MTA1: variants seen among roughly 807,000 people sequenced by gnomAD.
MTA1 encodes the protein metastasis-associated protein MTA1.
A neutral mutation model predicts 97.0 loss-of-function variants in MTA1; 15 were observed. The observed-to-expected ratio is 0.15, with a 90% CI of 0.10 to 0.24. The LOEUF is 0.24. Among genes scored for constraint, MTA1 ranks in the 10% least tolerant of loss-of-function variants. MTA1 has a pLI of 1.00. For synonymous variants in MTA1, 435 were observed against 417.5 expected, an observed-to-expected ratio of 1.04 and a Z score of -0.51; for missense variants, 709 against 1,015.1, an observed-to-expected ratio of 0.70 and a Z score of 4.10.
In MTA1 at chr14:105,470,155, GCCGCCGCGGCCA is replaced by G. The variant is rs1331298525; in HGVS notation, c.2094_2105del (p.Arg699_Pro702del). 7 of 1,609,958 alleles carry G rather than the reference GCCGCCGCGGCCA, an allele frequency of 4.3e-6. No individual in the cohort carries two copies. The African/African-American group carries it at 6.7e-5, about 15-fold the overall frequency. The stretch of plus-strand genomic sequence containing the variant: ...TCGCCCTGCGCCAGAGCCAGGCCCT[GCCGCCGCGGCCA>G]CCGCCACCTGCGCCCGTCAACGACG... On this transcript the variant is annotated inframe_deletion, in exon 21 of 21. Transcript: ENST00000331320.
intron 19 of MTA1, 168 bp downstream of exon 19, chr14:105,469,666 C>G: frequency 8.2e-7 from 1 of 1,212,152 alleles, no homozygotes; most frequent in East Asian, 2.6e-5. Flanking sequence ...TGTGCCAGGC[C>G]CAGCGGTGTG....
intron 1 of MTA1, among the ~76,000 whole-genome samples, chr14:105,437,165 G>A (rs969470176): frequency 1.2e-4 from 18 of 152,284 alleles, no homozygotes; most frequent in Admixed American, 1.3e-4. Flanking sequence ...ATGCACAGGT[G>A]TGACTTTGCA....
chr14:105,467,826 A>G, intron 18 of MTA1: 1 of 255,170 alleles, frequency 3.9e-6, no homozygotes, highest in Non-Finnish European at 7.8e-6. Flanking sequence ...TAGAAACAGG[A>G]GGGAGTCCTT....
chr14:105,458,200 C>G lies in MTA1; in HGVS notation c.551-70C>G, dbSNP rs587605699. The G allele has an allele frequency of 4.4e-6, 6 of 1,365,266 alleles. No individual in the cohort carries two copies. In the Admixed American group the frequency reaches 8.8e-5, roughly 20 times the overall value. The allele number at this position is 1,365,266 out of a possible 1,614,324, so 84.6% of individuals were successfully genotyped here. ...CCCCGTCCCAGCAGCTCCCCGCACC[C>G]GGGGAGGAGAGGCGCGGCCCGGCGC... On this transcript the variant is annotated intron_variant, in intron 7 of 20. Transcript: ENST00000331320.
chr14:105,462,644 G>A (rs2083401456), intron 10 of MTA1, among the ~76,000 whole-genome samples: 1 of 151,944 alleles, frequency 6.6e-6, no homozygotes, highest in Admixed American at 6.6e-5. Flanking sequence ...CGAAGTGGGT[G>A]GACCACTTGA....
intron 7 of MTA1, among the ~76,000 whole-genome samples, chr14:105,457,055 C>T (rs1428124084): frequency 2.6e-5 from 4 of 152,242 alleles, no homozygotes; most frequent in Admixed American, 6.5e-5. Context: ...GACCTGCAGC[C>T]GGGCGCCCCA....
intron 1 of MTA1, among the ~76,000 whole-genome samples, chr14:105,431,849 C>T (rs1555423441): frequency 6.6e-6 from 1 of 152,148 alleles, no homozygotes; most frequent in African/African-American, 2.4e-5. Context: ...TGGTCTCAAA[C>T]TCCTGACCTC....
Position 105,420,851 on chromosome 14 carries a change from C to T in MTA1, c.28+788C>T, listed in dbSNP as rs1458405240. Among the ~76,000 whole-genome samples the T allele has an allele frequency of 6.6e-6, 1 of 152,124 alleles. No homozygotes were observed. Among genetic ancestry groups the T allele is most frequent in the African/African-American group, 2.4e-5 (1 of 41,428 alleles). On this transcript the variant is annotated intron_variant, in intron 1 of 20. Coordinates refer to ENST00000331320, the MANE Select transcript of MTA1 (RefSeq NM_004689.4). This position sits in a 1 kb window ranked among gnomAD's most constrained non-coding sequence, Gnocchi z 5.3. ...GGTCTTTCACAGGAAGGTGGGGGGT[C>T]GTGTGCATTCCATCATTCCATCAGC...
chr14:105,463,168 G>C lies in MTA1; in HGVS notation c.943-16G>C. On this transcript the variant is annotated splice_polypyrimidine_tract_variant and intron_variant, in intron 10 of 20. Transcript: ENST00000331320. This position sits in a 1 kb window ranked among gnomAD's most constrained non-coding sequence, Gnocchi z 5.9. ...CTGCCCCTTCCTGCTTGTGTGACAC[G>C]CCTCCTCCCACCCAGCTCCCGTGGA... The C allele has an allele frequency of 6.2e-7, 1 of 1,610,034 alleles. No homozygotes were observed. The highest frequency in any genetic ancestry group is 8.5e-7 in the Non-Finnish European group (1 of 1,179,370).
intron 1 of MTA1, among the ~76,000 whole-genome samples, chr14:105,426,216 G>A (rs1204832672): frequency 1.3e-5 from 2 of 152,084 alleles, no homozygotes; most frequent in East Asian, 3.9e-4. Flanking sequence ...GCCCTGCCAG[G>A]CTGTCCTCAC....
intron 18 of MTA1, chr14:105,469,037 C>A: frequency 2.5e-6 from 1 of 398,934 alleles, no homozygotes; most frequent in South Asian, 1.8e-5. Flanking sequence ...TCTCTCAGAG[C>A]CTTAGGAAAA....
At chr14:105,466,620 C>G in intron 17 of MTA1, 42 bp downstream of exon 17, 1 of 1,570,544 alleles carries the variant, frequency 6.4e-7, no homozygotes, top group Middle Eastern at 1.7e-4. Flanking sequence ...CCTCCCCGCC[C>G]GGTGAGTCCG....
At chr14:105,426,375 C>CAA (rs781801650) in intron 1 of MTA1, among the ~76,000 whole-genome samples, 5,164 of 103,792 alleles carry the variant, frequency 0.05, 251 homozygotes, top group South Asian at 0.11. Flanking sequence ...CTTCGTCTCA[C>CAA]AAAAAAAAAA....
rs2081892499 is a variant in MTA1 at position 105,422,952 on chromosome 14, C to G, written c.28+2889C>G. On this transcript the variant is annotated intron_variant, in intron 1 of 20. Coordinates refer to ENST00000331320, the MANE Select transcript of MTA1 (RefSeq NM_004689.4). The surrounding 1 kb of genome is among the most constrained non-coding windows in gnomAD (Gnocchi z 4.3). ...TCTGCTTCTCAAGGGTTGTCCATCC[C>G]GAGGGCTGGGGAAGGCTTGAAACCT... Among the ~76,000 whole-genome samples the G allele has an allele frequency of 6.6e-6, 1 of 152,122 alleles. No individual in the cohort carries two copies. Among genetic ancestry groups the G allele is most frequent in the Non-Finnish European group, 1.5e-5 (1 of 68,018 alleles).
At chr14:105,428,917 G>T (rs1458304661) in intron 1 of MTA1, among the ~76,000 whole-genome samples, 1 of 151,948 alleles carries the variant, frequency 6.6e-6, no homozygotes, top group East Asian at 1.9e-4. Context: ...TAGAGATGGG[G>T]TCTCACTATG....
chr14:105,438,851 T>A, intron 2 of MTA1, 112 bp downstream of exon 2: 1 of 1,062,516 alleles, frequency 9.4e-7, no homozygotes, highest in Non-Finnish European at 1.4e-6. Context: ...GATCTTGGAC[T>A]GGCCACTGCA....
chr14:105,432,136 C>T (rs1343812459), intron 1 of MTA1, among the ~76,000 whole-genome samples: 1 of 152,202 alleles, frequency 6.6e-6, no homozygotes, highest in Non-Finnish European at 1.5e-5. Flanking sequence ...CAGGTGTGAG[C>T]CCCTGTGCCT....
rs372222992 is a variant in MTA1, at chr14:105,469,534, T to G, written c.1845+36T>G. On this transcript the variant is annotated intron_variant, in intron 19 of 20. Transcript: ENST00000331320. ...CAACCCATGATGGGGTACGGTGCGCTCACCCATGAGCTCTCTGGGGTGTTG... is the reference window on the plus strand; with the variant it reads ...CAACCCATGATGGGGTACGGTGCGCGCACCCATGAGCTCTCTGGGGTGTTG... 6.2e-6 allele frequency: 10 copies of G among 1,609,272 alleles called. No individual in the cohort carries two copies. In the African/African-American group the frequency reaches 1.3e-4, roughly 22 times the overall value.
Position 105,466,261 on chromosome 14 carries a change from G to A in MTA1, c.1625-165G>A, listed in dbSNP as rs587602394. On this transcript the variant is annotated intron_variant, in intron 16 of 20. Coordinates refer to ENST00000331320, the MANE Select transcript of MTA1 (RefSeq NM_004689.4). Reference sequence around the variant, plus strand: ...GGGCTTCTGGGCTTCTGGTTCTGTGGTGACCTCCCCACTTCCAGCCCAGTC... The same window carrying A: ...GGGCTTCTGGGCTTCTGGTTCTGTGATGACCTCCCCACTTCCAGCCCAGTC... 5.4e-4 allele frequency: 345 copies of A among 636,758 alleles called. 3 individuals are homozygous for A. The East Asian group carries it at 9.6e-3, about 18-fold the overall frequency. 39.4% of individuals were successfully genotyped at this position (636,758 alleles called of 1,614,324 possible).
Sources: gnomAD v4.1 joint callset for allele counts (sites outside exome capture counted in the v4.1 genomes callset) on GRCh38, gnomAD v4.1.1 for gene constraint, Gnocchi (gnomAD v3.1) non-coding constraint, MANE v1.5 for transcripts, NCBI Gene and HGNC (gene_info 2026-07-23, HGNC 2026-07-21) for gene names.